The following COL16A1 variants were observed in gnomAD, a reference collection of about 807,000 sequenced individuals.
The protein encoded by COL16A1 is collagen alpha-1(XVI) chain.
COL16A1 carries 189 observed loss-of-function variants against 266.3 expected under a neutral mutation model. The observed-to-expected ratio is 0.71, with a 90% CI of 0.63 to 0.80. COL16A1 has a LOEUF of 0.80. Among genes scored for constraint, COL16A1 ranks in the 30% least tolerant of loss-of-function variants. The pLI, the probability that COL16A1 is intolerant of heterozygous loss-of-function variation, is 0.00. For synonymous variants in COL16A1, 740 were observed against 782.3 expected, an observed-to-expected ratio of 0.95 and a Z score of 0.90; for missense variants, 1,928 against 2,122.4, an observed-to-expected ratio of 0.91 and a Z score of 1.80.
Position 31,679,788 on chromosome 1 carries a change from GA to G in COL16A1, c.2718+15del. On this transcript the variant is annotated intron_variant, in intron 41 of 70. Transcript: ENST00000373672. The stretch of plus-strand genomic sequence containing the variant: ...GCCGCGGGGCGCTGGCGGACAAGAG[GA>G]GACAAGCGACACACCTGCGGGCCCG... 1.9e-6 allele frequency: 3 copies of G among 1,576,580 alleles called. No individual in the cohort carries two copies. Among genetic ancestry groups the G allele is most frequent in the Non-Finnish European group, 2.6e-6 (3 of 1,161,640 alleles).
rs780659234 is a variant in COL16A1 at position 31,698,200 on chromosome 1, C to G, written c.391-28G>C. 5 of 1,610,946 alleles carry G rather than the reference C, an allele frequency of 3.1e-6. No homozygotes were observed. Among genetic ancestry groups the G allele is most frequent in the Non-Finnish European group, 4.2e-6 (5 of 1,178,416 alleles). On this transcript the variant is annotated intron_variant, in intron 5 of 70. Coordinates refer to ENST00000373672, the MANE Select transcript of COL16A1 (RefSeq NM_001856.4). The surrounding 1 kb of genome is among the most constrained non-coding windows in gnomAD (Gnocchi z 4.1). Reference sequence around the variant, plus strand: ...GGGTAGAATTTGGAAAGGGAAAGGACAGAGATTCAGAGCTCCAGAGTCACA... The same window carrying G: ...GGGTAGAATTTGGAAAGGGAAAGGAGAGAGATTCAGAGCTCCAGAGTCACA...
At chr1:31,662,557 G>T in intron 57 of COL16A1, 30 bp downstream of exon 57, 3 of 1,557,942 alleles carry the variant, frequency 1.9e-6, no homozygotes, top group Non-Finnish European at 2.6e-6. Context: ...CATCGCACAC[G>T]TCTGCCACGC....
intron 42 of COL16A1, among the ~76,000 whole-genome samples, chr1:31,675,589 A>G (rs928673679): frequency 6.6e-6 from 1 of 152,180 alleles, no homozygotes; most frequent in African/African-American, 2.4e-5. Flanking sequence ...AGGGTCTTCC[A>G]TGGAACTACT....
rs144740461 is a variant in COL16A1, at chr1:31,688,395, C to T, written c.1803+72G>A. 7.5e-5 allele frequency: 115 copies of T among 1,540,968 alleles called. No individual in the cohort carries two copies. The South Asian group carries it at 8.5e-4, about 11-fold the overall frequency. ...TCTTGTTTATATTACCCTTATTCCC[C>T]GCCCGCACCACTCCTCCCCTGCCTG... On this transcript the variant is annotated intron_variant, in intron 26 of 70. Transcript: ENST00000373672. The surrounding 1 kb of genome is among the most constrained non-coding windows in gnomAD (Gnocchi z 4.9).
Position 31,665,135 on chromosome 1 carries a change from C to T in COL16A1, c.3555+37G>A, listed in dbSNP as rs200716883. On this transcript the variant is annotated intron_variant, in intron 56 of 70. Coordinates refer to ENST00000373672, the MANE Select transcript of COL16A1 (RefSeq NM_001856.4). The stretch of plus-strand genomic sequence containing the variant: ...ACAGGGGCATGGGAGCTGCATGGCT[C>T]AGATCTGTGACTTTGCCAACCCAGG... 4.7e-5 allele frequency: 75 copies of T among 1,602,394 alleles called. No homozygotes were observed. The Admixed American group carries it at 1.0e-3, about 21-fold the overall frequency.
chr1:31,680,386 T>C (rs1643543511), intron 39 of COL16A1, among the ~76,000 whole-genome samples: 2 of 152,182 alleles, frequency 1.3e-5, no homozygotes, highest in Non-Finnish European at 2.9e-5. Flanking sequence ...CAAACGATGG[T>C]CCTGCTGTTA....
chr1:31,696,201 G>T, intron 8 of COL16A1, 60 bp from the exon 9 acceptor site: 1 of 1,509,702 alleles, frequency 6.6e-7, no homozygotes, highest in Non-Finnish European at 9.2e-7. Flanking sequence ...GTCCAGGCTG[G>T]AAAGGGGCAC....
chr1:31,694,175 G>A lies in COL16A1; in HGVS notation c.982-5C>T, dbSNP rs757155564. ...GCCAGAGGGAGCAAGTGTGACCTGAGGGGACAGAGGAGAGGGCATCACACT... is the reference window on the plus strand; with the variant it reads ...GCCAGAGGGAGCAAGTGTGACCTGAAGGGACAGAGGAGAGGGCATCACACT... On this transcript the variant is annotated splice_polypyrimidine_tract_variant and splice_region_variant and intron_variant, in intron 11 of 70. Coordinates refer to ENST00000373672, the MANE Select transcript of COL16A1 (RefSeq NM_001856.4). The A allele has an allele frequency of 3.1e-6, 5 of 1,587,350 alleles. No individual in the cohort carries two copies. Among genetic ancestry groups the A allele is most frequent in the Non-Finnish European group, 4.3e-6 (5 of 1,163,282 alleles).
chr1:31,680,042 C>T lies in COL16A1; in HGVS notation c.2670G>A (p.Pro890=), dbSNP rs781562932. ...GGAAGGCTCTCACAGCGCCACTTAC[C>T]GGCATGCCAGAGAAGATGAGGTCTC... The part of the protein sequence containing the change: ...SQGDLIFSGM[P]GAPGLWMGSS... The change falls in exon 40 of 71, where the codon CCG becomes CCA. Residue 890 remains proline (P), a splice_region_variant and synonymous_variant. Transcript: ENST00000373672. 1.6e-5 allele frequency: 26 copies of T among 1,613,672 alleles called. No homozygotes were observed. The highest frequency in any genetic ancestry group is 1.6e-4 in the African/African-American group (12 of 74,930).
At chr1:31,665,471 G>A in intron 55 of COL16A1, 112 bp downstream of exon 55, 2 of 1,588,676 alleles carry the variant, frequency 1.3e-6, no homozygotes, top group Non-Finnish European at 1.7e-6. Flanking sequence ...GTTCTCCCCT[G>A]CCTCTCCCCT....
chr1:31,652,967 A>G lies in COL16A1; in HGVS notation c.4613-114T>C. ...TTTGATGACTGTTTCTCAAGTTACC[A>G]CATGTTTTCATGAAGACCTAGTCTG... is the stretch of plus-strand genomic sequence containing the variant. On this transcript the variant is annotated intron_variant, in intron 70 of 70. Coordinates refer to ENST00000373672, the MANE Select transcript of COL16A1 (RefSeq NM_001856.4). The surrounding 1 kb of genome is among the most constrained non-coding windows in gnomAD (Gnocchi z 4.8). The G allele has an allele frequency of 9.0e-7, 1 of 1,111,554 alleles. No homozygotes were observed. Among genetic ancestry groups the G allele is most frequent in the South Asian group, 2.4e-5 (1 of 40,906 alleles). The allele number at this position is 1,111,554 out of a possible 1,614,324, so 68.9% of individuals were successfully genotyped here.
At chr1:31,680,976 G>A (rs772594824) in intron 38 of COL16A1, 45 bp from the exon 39 acceptor site, 1 of 1,614,024 alleles carries the variant, frequency 6.2e-7, no homozygotes, top group South Asian at 1.1e-5. Context: ...GGGGTGCCGA[G>A]GCAGGGCCGG....
At chr1:31,684,756 A>G (rs2148775070) in intron 30 of COL16A1, 65 bp downstream of exon 30, 1 of 1,612,272 alleles carries the variant, frequency 6.2e-7, no homozygotes, top group Non-Finnish European at 8.5e-7. Context: ...AGGGAGGAAA[A>G]TGAGGCAAGG....
chr1:31,664,940 G>A lies in COL16A1; in HGVS notation c.3555+232C>T, dbSNP rs2148680085. Reference sequence around the variant, plus strand: ...AGCAGACAAGGGCCTGGGCTGCACAGAGGCCGCAGGCATCCTGGGCCAAGC... The same window carrying A: ...AGCAGACAAGGGCCTGGGCTGCACAAAGGCCGCAGGCATCCTGGGCCAAGC... On this transcript the variant is annotated intron_variant, in intron 56 of 70. Transcript: ENST00000373672. This position sits in a 1 kb window ranked among gnomAD's most constrained non-coding sequence, Gnocchi z 5.5. 6.6e-6 allele frequency among the ~76,000 whole-genome samples: 1 copy of A among 152,284 alleles called. No individual in the cohort carries two copies. The highest frequency in any genetic ancestry group is 1.5e-5 in the Non-Finnish European group (1 of 68,022).
In COL16A1 at chr1:31,690,615, A is replaced by G. The variant is rs755957388; in HGVS notation, c.1438-42T>C. ...GGATAAGCGGGGAGCCTTCTGGCCA[A>G]TGCAATCTCGGTGCGTTCCCCCTTC... On this transcript the variant is annotated intron_variant, in intron 20 of 70. Coordinates refer to ENST00000373672, the MANE Select transcript of COL16A1 (RefSeq NM_001856.4). 4.4e-6 allele frequency: 7 copies of G among 1,607,892 alleles called. No individual in the cohort carries two copies. In the African/African-American group the frequency reaches 9.4e-5, roughly 22 times the overall value.
At chr1:31,680,220 G>A in intron 39 of COL16A1, 119 bp from the exon 40 acceptor site, 7 of 1,450,754 alleles carry the variant, frequency 4.8e-6, no homozygotes, top group Non-Finnish European at 6.5e-6. Context: ...TCCAGGATCT[G>A]CCTCTTCTAA....
rs761376792 is a variant in COL16A1, at chr1:31,692,495, G to A, written c.1173C>T (p.Leu391=). ...TTACCTTCTCGCCTGTTGAGCCTGG[G>A]AGTCCTGAGGGTCCCTGAGATGAGG... ...GESGALGPSG[L]PGSTGEKGQK... The change falls in exon 16 of 71, where the codon CTC becomes CTT. Residue 391 remains leucine (L), a synonymous_variant. Coordinates refer to ENST00000373672, the MANE Select transcript of COL16A1 (RefSeq NM_001856.4). 5 of 1,613,764 alleles carry A rather than the reference G, an allele frequency of 3.1e-6. No individual in the cohort carries two copies. The highest frequency in any genetic ancestry group is 3.4e-6 in the Non-Finnish European group (4 of 1,179,770).
chr1:31,685,621 G>A lies in COL16A1; in HGVS notation c.2016+18C>T. On this transcript the variant is annotated intron_variant, in intron 29 of 70. Coordinates refer to ENST00000373672, the MANE Select transcript of COL16A1 (RefSeq NM_001856.4). The surrounding 1 kb of genome is among the most constrained non-coding windows in gnomAD (Gnocchi z 4.0). ...CTGCATCCCCCGTCCAGAGGCCCCT[G>A]CCTATATCCCACCTCACCTGTTTTC... 6.2e-7 allele frequency: 1 copy of A among 1,612,568 alleles called. No individual in the cohort carries two copies. The highest frequency in any genetic ancestry group is 8.5e-7 in the Non-Finnish European group (1 of 1,179,354).
At position 31,655,296 on chromosome 1, in the gene COL16A1, G is replaced by A. The variant is rs765136510; in HGVS notation, c.4290+18C>T. On this transcript the variant is annotated intron_variant, in intron 67 of 70. Coordinates refer to ENST00000373672, the MANE Select transcript of COL16A1 (RefSeq NM_001856.4). ...GCTCTATGGGACAGTGCCCACAGCT[G>A]CCAGCCTTCCCCCTTACCATGGAGC... The A allele has an allele frequency of 3.7e-5, 59 of 1,607,926 alleles. No individual in the cohort carries two copies. The highest frequency in any genetic ancestry group is 4.7e-5 in the Non-Finnish European group (55 of 1,177,090).
Sources: gnomAD v4.1 joint callset for allele counts (sites outside exome capture counted in the v4.1 genomes callset) on GRCh38, gnomAD v4.1.1 for gene constraint, Gnocchi (gnomAD v3.1) non-coding constraint, MANE v1.5 for transcripts, NCBI Gene and HGNC (gene_info 2026-07-23, HGNC 2026-07-21) for gene names.